The following ERBB4 variants were observed in gnomAD, a reference collection of about 807,000 sequenced individuals.
ERBB4 encodes receptor tyrosine-protein kinase erbB-4.
In ERBB4, 42 loss-of-function variants were observed where a neutral mutation model predicts 158.0. The ratio of observed to expected loss-of-function variants is 0.27; its 90% CI spans 0.21 to 0.34. The LOEUF (loss-of-function observed/expected upper bound fraction) is 0.34, where lower values mean the gene tolerates loss of function less well. Among genes scored for constraint, ERBB4 ranks in the 10% least tolerant of loss-of-function variants. ERBB4 has a pLI of 1.00. For missense variants in ERBB4, 1,333 were observed against 1,624.1 expected (o/e 0.82, Z 3.08); for synonymous variants, 583 against 558.7 (o/e 1.04, Z -0.61).
At chr2:211,412,220 C>T (rs760231400) in intron 25 of ERBB4, among the ~76,000 whole-genome samples, 18 of 152,104 alleles carry the variant, frequency 1.2e-4, no homozygotes, top group Non-Finnish European at 1.9e-4. Context: ...TCCATCTCAC[C>T]TCCTGATAAA....
intron 19 of ERBB4, among the ~76,000 whole-genome samples, chr2:211,611,860 A>G (rs180978084): frequency 3.9e-5 from 6 of 152,170 alleles, no homozygotes; most frequent in African/African-American, 1.4e-4. Flanking sequence ...GGAAACACTA[A>G]CAGGCAAGCA....
chr2:211,591,603 CA>C (rs1422031326), intron 19 of ERBB4, among the ~76,000 whole-genome samples: 2 of 152,210 alleles, frequency 1.3e-5, no homozygotes, highest in Non-Finnish European at 2.9e-5. Context: ...CTCTGTTCTC[CA>C]GGCTCCCACA....
intron 20 of ERBB4, among the ~76,000 whole-genome samples, chr2:211,461,308 A>G (rs1033869064): frequency 3.3e-5 from 5 of 152,208 alleles, no homozygotes; most frequent in Non-Finnish European, 7.4e-5. Context: ...ATTATTATCA[A>G]TACTAATGAG....
chr2:211,545,278 C>A (rs189349614), intron 20 of ERBB4, among the ~76,000 whole-genome samples: 77 of 152,104 alleles, frequency 5.1e-4, no homozygotes, highest in African/African-American at 1.8e-3. Flanking sequence ...AATAACCCTT[C>A]ACAAATTGAG....
intron 25 of ERBB4, among the ~76,000 whole-genome samples, chr2:211,395,169 G>A (rs2125338538): frequency 6.6e-6 from 1 of 152,160 alleles, no homozygotes; most frequent in South Asian, 2.1e-4. Flanking sequence ...CCTTTTTAAA[G>A]TGGACTATCT....
At chr2:212,290,673 TGTGTGTGC>T (rs993528311) in intron 1 of ERBB4, among the ~76,000 whole-genome samples, 70 of 152,202 alleles carry the variant, frequency 4.6e-4, no homozygotes, top group African/African-American at 1.5e-3. Context: ...CGTGTGTGTG[TGTGTGTGC>T]GTGTGTGCAC....
intron 2 of ERBB4, among the ~76,000 whole-genome samples, chr2:212,059,332 G>A (rs1313691574): frequency 2.6e-5 from 4 of 152,150 alleles, no homozygotes; most frequent in Non-Finnish European, 4.4e-5. Flanking sequence ...CTCATGGATA[G>A]GAAGAATCAA....
chr2:212,313,132 T>C (rs545851332), intron 1 of ERBB4, among the ~76,000 whole-genome samples: 20 of 150,990 alleles, frequency 1.3e-4, no homozygotes, highest in Non-Finnish European at 2.5e-4. Context: ...TACCATATAG[T>C]AATCAATGTT....
chr2:212,433,521 C>T (rs1192344671), intron 1 of ERBB4, among the ~76,000 whole-genome samples: 1 of 151,760 alleles, frequency 6.6e-6, no homozygotes, highest in Non-Finnish European at 1.5e-5. Context: ...TTAAAAATTG[C>T]CAAATTACAA....
At chr2:211,644,905 A>C (rs907898421) in intron 16 of ERBB4, among the ~76,000 whole-genome samples, 2 of 151,954 alleles carry the variant, frequency 1.3e-5, no homozygotes, top group Non-Finnish European at 2.9e-5. Flanking sequence ...AAAATTATCT[A>C]AGCAAATGAC....
intron 2 of ERBB4, among the ~76,000 whole-genome samples, chr2:211,987,228 G>A (rs2081960094): frequency 6.7e-6 from 1 of 150,228 alleles, no homozygotes; most frequent in Admixed American, 6.7e-5. Context: ...GGCTGAGGCA[G>A]GAGAATCACT....
chr2:212,081,396 CA>C (rs1295856650), intron 2 of ERBB4, among the ~76,000 whole-genome samples: 2 of 152,116 alleles, frequency 1.3e-5, no homozygotes, highest in Admixed American at 1.3e-4. Flanking sequence ...AAAAAACAAA[CA>C]AGGAAACAAG....
chr2:212,172,407 T>G (rs995404708), intron 1 of ERBB4, among the ~76,000 whole-genome samples: 4 of 152,132 alleles, frequency 2.6e-5, no homozygotes, highest in Non-Finnish European at 5.9e-5. Context: ...ACCAATCCCA[T>G]TACTGGGAAT....
chr2:212,162,018 A>G (rs1047801659), intron 1 of ERBB4, among the ~76,000 whole-genome samples: 7 of 151,838 alleles, frequency 4.6e-5, no homozygotes, highest in African/African-American at 1.4e-4. Context: ...ACTTTGGGAA[A>G]TAATAGTCTA....
chr2:211,831,274 C>T (rs10932402), intron 3 of ERBB4, among the ~76,000 whole-genome samples: 32,654 of 152,076 alleles, frequency 0.21, 3,649 homozygotes, highest in South Asian at 0.33. Context: ...GTGTCCACTT[C>T]AAACAAGTCC....
intron 3 of ERBB4, among the ~76,000 whole-genome samples, chr2:211,901,753 A>G (rs1268314621): frequency 6.6e-6 from 1 of 152,114 alleles, no homozygotes; most frequent in East Asian, 1.9e-4. Context: ...TTTTTCCTAT[A>G]TTTATCATCC....
chr2:212,371,451 C>T (rs2090082691), intron 1 of ERBB4, among the ~76,000 whole-genome samples: 1 of 152,192 alleles, frequency 6.6e-6, no homozygotes, highest in Non-Finnish European at 1.5e-5. Context: ...TTTCCATCTC[C>T]TACATGCTGG....
chr2:211,453,511 A>G (rs928688922), intron 20 of ERBB4, among the ~76,000 whole-genome samples: 1 of 152,210 alleles, frequency 6.6e-6, no homozygotes, highest in African/African-American at 2.4e-5. Flanking sequence ...GGAAGAGAGA[A>G]AGGAAAATGA....
intron 1 of ERBB4, among the ~76,000 whole-genome samples, chr2:212,373,831 A>ATATCCATGTATATATCCATG (rs2090183304): frequency 1.7e-5 from 2 of 117,502 alleles, no homozygotes; most frequent in African/African-American, 6.7e-5. Flanking sequence ...ATCCATATAT[A>ATATCCATGTATATATCCATG]TATATATCCA....
Sources: gnomAD v4.1 joint callset for allele counts (sites outside exome capture counted in the v4.1 genomes callset) on GRCh38, gnomAD v4.1.1 for gene constraint, MANE v1.5 for transcripts, NCBI Gene and HGNC (gene_info 2026-07-23, HGNC 2026-07-21) for gene names.